SMIM35: variants seen among roughly 807,000 people sequenced by gnomAD.
SMIM35 encodes TMPRSS4 antisense RNA 1 (non-protein coding).
At chr11:118,014,660 T>G in intron 3 of SMIM35, 48 bp downstream of exon 3, 1 of 398,816 alleles carries the variant, frequency 2.5e-6, no homozygotes, top group Non-Finnish European at 4.4e-6. Context: ...TTCCATTATA[T>G]CTACCCCCAA....
chr11:118,050,654 C>T (rs1427791088), intron 1 of SMIM35, among the ~76,000 whole-genome samples: 1 of 152,230 alleles, frequency 6.6e-6, no homozygotes, highest in African/African-American at 2.4e-5. Flanking sequence ...TAGCCCCCAC[C>T]CTTGCTTCCT....
intron 1 of SMIM35, among the ~76,000 whole-genome samples, chr11:118,076,802 T>C (rs1944704499): frequency 6.6e-6 from 1 of 151,856 alleles, no homozygotes; most frequent in African/African-American, 2.4e-5. Context: ...ACCCACACAG[T>C]GAGAAGTCAT....
chr11:118,061,821 G>A (rs1944399251), intron 1 of SMIM35, among the ~76,000 whole-genome samples: 1 of 152,076 alleles, frequency 6.6e-6, no homozygotes, highest in South Asian at 2.1e-4. Flanking sequence ...TCCCCATTAT[G>A]AGTTGACTTC....
At chr11:118,047,702 G>A (rs941001654) in intron 1 of SMIM35, among the ~76,000 whole-genome samples, 3 of 152,236 alleles carry the variant, frequency 2.0e-5, no homozygotes, top group African/African-American at 7.2e-5. Context: ...AAGCAAATAA[G>A]TTATTTCAGC....
At chr11:118,058,759 G>C (rs1053978096) in intron 1 of SMIM35, among the ~76,000 whole-genome samples, 6 of 152,186 alleles carry the variant, frequency 3.9e-5, no homozygotes, top group Non-Finnish European at 4.4e-5. Context: ...AGATGACCAA[G>C]AGCCCAGCTC....
chr11:118,041,404 C>T (rs889021080), intron 1 of SMIM35, among the ~76,000 whole-genome samples: 16 of 151,930 alleles, frequency 1.1e-4, no homozygotes, highest in African/African-American at 3.1e-4. Context: ...TATGCCAAGC[C>T]GTAAAACAAA....
chr11:118,022,836 G>A (rs543922721), intron 1 of SMIM35, among the ~76,000 whole-genome samples: 3 of 152,058 alleles, frequency 2.0e-5, no homozygotes, highest in Admixed American at 6.5e-5. Flanking sequence ...AGAAAAACTC[G>A]TAATTCACAG....
intron 1 of SMIM35, among the ~76,000 whole-genome samples, chr11:118,032,799 T>C (rs888659807): frequency 6.6e-6 from 1 of 152,102 alleles, no homozygotes; most frequent in East Asian, 1.9e-4. Context: ...TCCCACCTAC[T>C]CAGGAGGCTG....
At chr11:118,083,067 C>T (rs1334082336) in intron 1 of SMIM35, among the ~76,000 whole-genome samples, 1 of 152,190 alleles carries the variant, frequency 6.6e-6, no homozygotes, top group Non-Finnish European at 1.5e-5. Context: ...TGCTGCGCCG[C>T]TGCGGGGCTC....
chr11:118,010,559 G>C (rs2058144598), intron 4 of SMIM35, among the ~76,000 whole-genome samples: 1 of 152,212 alleles, frequency 6.6e-6, no homozygotes, highest in Admixed American at 6.5e-5. Context: ...GGTTCAGCCT[G>C]GTTGAGGAAC....
chr11:118,034,588 G>A (rs2058344239), intron 1 of SMIM35, among the ~76,000 whole-genome samples: 1 of 152,204 alleles, frequency 6.6e-6, no homozygotes, highest in Non-Finnish European at 1.5e-5. Flanking sequence ...GCTGGGCGTG[G>A]TGGTTCACAT....
intron 1 of SMIM35, chr11:118,028,736 G>T: frequency 4.8e-6 from 2 of 414,398 alleles, no homozygotes; most frequent in Non-Finnish European, 9.6e-6. Flanking sequence ...GGTAAATTAG[G>T]AGGTTGGGGA....
chr11:118,037,564 G>A (rs373253783), intron 1 of SMIM35, among the ~76,000 whole-genome samples: 1 of 152,130 alleles, frequency 6.6e-6, no homozygotes, highest in East Asian at 1.9e-4. Context: ...CATAATAACA[G>A]CATCTTTCCC....
intron 1 of SMIM35, among the ~76,000 whole-genome samples, chr11:118,082,510 G>A (rs914116482): frequency 1.3e-5 from 2 of 151,120 alleles, no homozygotes; most frequent in Non-Finnish European, 2.9e-5. Flanking sequence ...GCAGTAAGCC[G>A]AGATCACACC....
intron 1 of SMIM35, among the ~76,000 whole-genome samples, chr11:118,058,369 G>T (rs550162351): frequency 6.6e-6 from 1 of 152,280 alleles, no homozygotes; most frequent in Admixed American, 6.5e-5. Context: ...TCACCCCAGG[G>T]CCAGGAGTGT....
rs902111185 is a variant in SMIM35, at chr11:118,005,862, C to A, written c.*548G>T. On this transcript the variant is annotated 3_prime_UTR_variant, in exon 5 of 5. Transcript: ENST00000689828. ...AGTGCACAGAGCTGCATGGGCTCCCCCAGAACTGGAGGAGCTGGGCAGTAA... is the reference window on the plus strand; with the variant it reads ...AGTGCACAGAGCTGCATGGGCTCCCACAGAACTGGAGGAGCTGGGCAGTAA... 2 of 152,358 alleles carry A rather than the reference C, an allele frequency of 1.3e-5. No homozygotes were observed. The highest frequency in any genetic ancestry group is 3.2e-3 in the Middle Eastern group (1 of 316). The allele number at this position is 152,358 out of a possible 1,614,324, so 9.4% of individuals were successfully genotyped here. A position where few individuals can be genotyped will look rare whatever the true frequency, so the allele number is the denominator to read the frequency against.
chr11:118,048,709 T>C (rs564457089), intron 1 of SMIM35, among the ~76,000 whole-genome samples: 1 of 149,312 alleles, frequency 6.7e-6, no homozygotes, highest in East Asian at 2.0e-4. Context: ...AGTCATAAAG[T>C]ATGGGGGAAA....
chr11:118,057,583 G>A (rs1944334369), intron 1 of SMIM35, among the ~76,000 whole-genome samples: 1 of 152,208 alleles, frequency 6.6e-6, no homozygotes, highest in Non-Finnish European at 1.5e-5. Context: ...CAGGTGCAGG[G>A]GTGATGTGGG....
chr11:118,021,047 G>GTTTTTTTTTTTTGTTTT (rs367714265), intron 1 of SMIM35, among the ~76,000 whole-genome samples: 1 of 140,764 alleles, frequency 7.1e-6, no homozygotes, highest in African/African-American at 2.6e-5. Context: ...ACAGGGTAAG[G>GTTTTTTTTTTTTGTTTT]TTTTTTTTTT....
Sources: allele counts gnomAD v4.1 joint callset (sites outside exome capture counted in the v4.1 genomes callset), GRCh38; gene constraint gnomAD v4.1.1; transcripts MANE v1.5; gene names NCBI Gene and HGNC (gene_info 2026-07-23, HGNC 2026-07-21).